ETV5: variants seen among roughly 807,000 people sequenced by gnomAD.
ETV5 encodes the protein ETS translocation variant 5.
Under a neutral mutation model 70.0 loss-of-function variants are expected in ETV5, and 10 were observed. The ratio of observed to expected loss-of-function variants is 0.14; its 90% CI spans 0.09 to 0.24. The LOEUF (loss-of-function observed/expected upper bound fraction) is 0.24. Among genes scored for constraint, ETV5 ranks in the 10% least tolerant of loss-of-function variants. ETV5 has a pLI of 1.00. For synonymous variants in ETV5, 216 were observed against 242.2 expected, an observed-to-expected ratio of 0.89 and a Z score of 1.01; for missense variants, 453 against 651.2, an observed-to-expected ratio of 0.70 and a Z score of 3.31.
chr3:186,048,534 G>A lies in ETV5; in HGVS notation c.*105C>T, dbSNP rs1578533130. 4 of 1,041,272 alleles carry A rather than the reference G, an allele frequency of 3.8e-6. No homozygotes were observed. Among genetic ancestry groups the A allele is most frequent in the Non-Finnish European group, 5.8e-6 (4 of 687,598 alleles). 64.5% of individuals were successfully genotyped at this position (1,041,272 alleles called of 1,614,324 possible). On this transcript the variant is annotated 3_prime_UTR_variant, in exon 13 of 13. Transcript: ENST00000306376. ...TTGGGTTCTCCAGATAATACTCAAA[G>A]GGCAAGCTTTAGGAACAACCAAAAA...
intron 1 of ETV5, among the ~76,000 whole-genome samples, chr3:186,107,610 A>T (rs1381081261): frequency 6.6e-6 from 1 of 152,250 alleles, no homozygotes; most frequent in Non-Finnish European, 1.5e-5. Context: ...TTTTTTTAAA[A>T]GCCTGAAGGA....
At position 186,057,038 on chromosome 3, in the gene ETV5, A is replaced by G. The variant is rs1200176379; in HGVS notation, c.1209+37T>C. 6.3e-7 allele frequency: 1 copy of G among 1,594,320 alleles called. No homozygotes were observed. The highest frequency in any genetic ancestry group is 8.6e-7 in the Non-Finnish European group (1 of 1,167,112). Reference sequence around the variant, plus strand: ...ACAAAAAACATCATCAACAACAACAAATCAAAACCCGTCTGAGTCCAGCAT... The same window carrying G: ...ACAAAAAACATCATCAACAACAACAGATCAAAACCCGTCTGAGTCCAGCAT... On this transcript the variant is annotated intron_variant, in intron 11 of 12. Transcript: ENST00000306376. The surrounding 1 kb of genome is among the most constrained non-coding windows in gnomAD (Gnocchi z 4.9).
intron 9 of ETV5, among the ~76,000 whole-genome samples, chr3:186,058,036 A>C (rs180908036): frequency 6.6e-6 from 1 of 152,364 alleles, no homozygotes; most frequent in East Asian, 1.9e-4. Flanking sequence ...CGAAAGCAGT[A>C]TTGGGGGTAT....
At chr3:186,067,537 A>G (rs1281422637) in intron 7 of ETV5, among the ~76,000 whole-genome samples, 1 of 152,086 alleles carries the variant, frequency 6.6e-6, no homozygotes, top group Non-Finnish European at 1.5e-5. Flanking sequence ...ACTTGAACCC[A>G]GGAGGTGAAG....
At chr3:186,059,879 T>C (rs1713263074) in intron 9 of ETV5, among the ~76,000 whole-genome samples, 1 of 152,176 alleles carries the variant, frequency 6.6e-6, no homozygotes, top group African/African-American at 2.4e-5. Context: ...TTAAAAAATA[T>C]TTAAGAATAT....
chr3:186,050,099 G>A (rs1437817555), intron 12 of ETV5, among the ~76,000 whole-genome samples: 4 of 152,090 alleles, frequency 2.6e-5, no homozygotes, highest in African/African-American at 9.7e-5. Context: ...ACACTGGATG[G>A]CACATTATTA....
chr3:186,102,672 T>C (rs1297821320), intron 5 of ETV5, among the ~76,000 whole-genome samples: 1 of 148,228 alleles, frequency 6.7e-6, no homozygotes, highest in Non-Finnish European at 1.5e-5. Context: ...TGCTTTCCCC[T>C]GGCAAATCTA....
rs187492833 is a variant in ETV5, at chr3:186,102,619, G to A, written c.232+2686C>T. 1.4e-4 allele frequency among the ~76,000 whole-genome samples: 16 copies of A among 117,410 alleles called. No individual in the cohort carries two copies. In the East Asian group the frequency reaches 3.6e-3, roughly 27 times the overall value. 77.0% of individuals were successfully genotyped at this position (117,410 alleles called of 152,430 possible). A position where few individuals can be genotyped will look rare whatever the true frequency, so the allele number is the denominator to read the frequency against. On this transcript the variant is annotated intron_variant, in intron 5 of 12. Transcript: ENST00000306376. ...GCCATTGCACTCTGGCCTGGGTGAC[G>A]AGCAAAACTCTCTCTCCAAAAAAAA...
intron 9 of ETV5, among the ~76,000 whole-genome samples, chr3:186,059,145 G>A (rs570224091): frequency 8.3e-4 from 126 of 152,206 alleles, no homozygotes; most frequent in Non-Finnish European, 1.7e-3. Context: ...TTCTTGGCAG[G>A]AGCAGCACCA....
At chr3:186,101,492 C>T (rs1297586257) in intron 5 of ETV5, among the ~76,000 whole-genome samples, 5 of 152,118 alleles carry the variant, frequency 3.3e-5, no homozygotes, top group African/African-American at 4.8e-5. Context: ...TCTCTGTCTT[C>T]CAAATCCTAG....
chr3:186,087,471 A>G (rs1714085684), intron 5 of ETV5, among the ~76,000 whole-genome samples: 1 of 152,172 alleles, frequency 6.6e-6, no homozygotes, highest in African/African-American at 2.4e-5. Flanking sequence ...TCTGTATGTT[A>G]CTTCAATTAA....
In ETV5 at chr3:186,105,408, A is replaced by G. The variant is rs1448924415; in HGVS notation, c.181+41T>C. ...TTTAAGTTTTATTAAAAAGCACAGT[A>G]AAATGTTTTATATGGAAAATAGGAC... On this transcript the variant is annotated intron_variant, in intron 4 of 12. Coordinates refer to ENST00000306376, the MANE Select transcript of ETV5 (RefSeq NM_004454.3). This position sits in a 1 kb window ranked among gnomAD's most constrained non-coding sequence, Gnocchi z 4.5. The G allele has an allele frequency of 6.2e-7, 1 of 1,612,656 alleles. No individual in the cohort carries two copies. The highest frequency in any genetic ancestry group is 1.7e-5 in the Admixed American group (1 of 59,884).
At chr3:186,089,142 G>A (rs1418340694) in intron 5 of ETV5, among the ~76,000 whole-genome samples, 1 of 152,184 alleles carries the variant, frequency 6.6e-6, no homozygotes, top group Admixed American at 6.5e-5. Flanking sequence ...TAAGTGGACA[G>A]GTTCTGGCAC....
intron 5 of ETV5, among the ~76,000 whole-genome samples, chr3:186,101,425 T>C (rs1714455831): frequency 6.6e-6 from 1 of 152,110 alleles, no homozygotes; most frequent in African/African-American, 2.4e-5. Flanking sequence ...AGCACTGAGG[T>C]TACAGGTGTG....
At chr3:186,101,739 A>AGTTCCCATCTG (rs1404359785) in intron 5 of ETV5, among the ~76,000 whole-genome samples, 6 of 152,092 alleles carry the variant, frequency 3.9e-5, no homozygotes, top group Non-Finnish European at 7.4e-5. Flanking sequence ...CTCTTACTTC[A>AGTTCCCATCTG]CCTAAACCTT....
Position 186,074,714 on chromosome 3 carries a change from C to A in ETV5, c.650+5103G>T, listed in dbSNP as rs184166745. On this transcript the variant is annotated intron_variant, in intron 7 of 12. Coordinates refer to ENST00000306376, the MANE Select transcript of ETV5 (RefSeq NM_004454.3). ...GGATCACCTGAGGTCAGGAGTTTGACAGCAGCCTGGCCAACATGGTGAAAC... is the reference window on the plus strand; with the variant it reads ...GGATCACCTGAGGTCAGGAGTTTGAAAGCAGCCTGGCCAACATGGTGAAAC... Among the ~76,000 whole-genome samples, 610 of 151,922 alleles carry A rather than the reference C, an allele frequency of 4.0e-3. 11 individuals are homozygous for A. The highest frequency in any genetic ancestry group is 0.014 in the African/African-American group (583 of 41,456).
chr3:186,052,182 A>G lies in ETV5; in HGVS notation c.1210-51T>C, dbSNP rs760675643. 5.1e-6 allele frequency: 8 copies of G among 1,561,728 alleles called. No homozygotes were observed. Among genetic ancestry groups the G allele is most frequent in the Non-Finnish European group, 6.2e-6 (7 of 1,133,790 alleles). ...AATGGAAACGCATTCCCTGGGCCCC[A>G]TGTTCTCTCCCAATCCCAGCAGAGC... On this transcript the variant is annotated intron_variant, in intron 11 of 12. Coordinates refer to ENST00000306376, the MANE Select transcript of ETV5 (RefSeq NM_004454.3). This position sits in a 1 kb window ranked among gnomAD's most constrained non-coding sequence, Gnocchi z 4.5.
rs780199235 is a variant in ETV5 at position 186,065,825 on chromosome 3, A to G, written c.898T>C (p.Cys300Arg). The G allele has an allele frequency of 3.1e-6, 5 of 1,614,048 alleles. No homozygotes were observed. The African/African-American group carries it at 6.7e-5, about 22-fold the overall frequency. The change falls in exon 8 of 13, where the codon TGC becomes CGC. Residue 300 changes from cysteine to arginine, a missense_variant. Cys to Arg is a radical substitution (Grantham distance 180, BLOSUM62 -3). Around this residue, in one of 4 missense-constraint regions of ETV5, gnomAD observed 307 missense variants for 344.9 expected, o/e 0.89. Coordinates refer to ENST00000306376, the MANE Select transcript of ETV5 (RefSeq NM_004454.3). The part of the protein sequence containing the change: ...MGIKQEPRDY[C>R]VDSEVPNCQS... ...ATTTGATGCTGACCTGAATCGACGC[A>G]GTAATCCCGAGGCTCCTGCTTGATT...
In ETV5 at chr3:186,066,079, GAAGA is replaced by G; in HGVS notation, c.651-11_651-8del. 1 of 1,558,410 alleles carries G rather than the reference GAAGA, an allele frequency of 6.4e-7. No homozygotes were observed. Among genetic ancestry groups the G allele is most frequent in the Non-Finnish European group, 8.7e-7 (1 of 1,154,870 alleles). ...AGACAGTTGTCTCTGAAATCTGTAA[GAAGA>G]AAGAGGTTTTCATGTTGAACAAAGA... On this transcript the variant is annotated splice_region_variant and splice_polypyrimidine_tract_variant and intron_variant, in intron 7 of 12. Transcript: ENST00000306376.
Sources: allele counts gnomAD v4.1 joint callset (sites outside exome capture counted in the v4.1 genomes callset), GRCh38; gene constraint gnomAD v4.1.1; regional missense constraint gnomAD v4.1.1; non-coding constraint Gnocchi (gnomAD v3.1); transcripts MANE v1.5; gene names NCBI Gene and HGNC (gene_info 2026-07-23, HGNC 2026-07-21).